The following MOB3B variants were observed in gnomAD, a reference collection of about 807,000 sequenced individuals.
MOB3B encodes MOB kinase activator 3B.
MOB3B carries 7 observed loss-of-function variants against 18.7 expected under a neutral mutation model. The observed-to-expected ratio is 0.37, with a 90% CI of 0.21 to 0.70. The LOEUF (loss-of-function observed/expected upper bound fraction) is 0.70, where lower values mean the gene tolerates loss of function less well. MOB3B is among the 30% of genes least tolerant of loss of function. The pLI, the probability that MOB3B is intolerant of heterozygous loss-of-function variation, is 0.52. For synonymous variants in MOB3B, 111 were observed against 99.9 expected, an observed-to-expected ratio of 1.11 and a Z score of -0.66; for missense variants, 253 against 281.3, an observed-to-expected ratio of 0.90 and a Z score of 0.72.
At chr9:27,477,684 C>CAA (rs1183184101) in intron 1 of MOB3B, among the ~76,000 whole-genome samples, 1 of 152,220 alleles carries the variant, frequency 6.6e-6, no homozygotes, top group Non-Finnish European at 1.5e-5. Flanking sequence ...GCAGCCATCA[C>CAA]AAGAATGTAC....
At chr9:27,501,732 A>C (rs1819994875) in intron 1 of MOB3B, among the ~76,000 whole-genome samples, 1 of 149,032 alleles carries the variant, frequency 6.7e-6, no homozygotes, top group Non-Finnish European at 1.5e-5. Flanking sequence ...GCCCCACTGC[A>C]CCGTAGTCTG....
chr9:27,396,676 A>G (rs570579023), intron 2 of MOB3B, among the ~76,000 whole-genome samples: 1 of 152,308 alleles, frequency 6.6e-6, no homozygotes, highest in African/African-American at 2.4e-5. Flanking sequence ...AATTTATTCC[A>G]GTCTGTGAAT....
At chr9:27,502,701 AAGGGTCAG>A (rs1298634291) in intron 1 of MOB3B, among the ~76,000 whole-genome samples, 1 of 152,174 alleles carries the variant, frequency 6.6e-6, no homozygotes, top group African/African-American at 2.4e-5. Context: ...GCCACTACTG[AAGGGTCAG>A]ACTTGGTCCT....
chr9:27,495,451 T>A (rs1195806541), intron 1 of MOB3B, among the ~76,000 whole-genome samples: 6 of 152,198 alleles, frequency 3.9e-5, no homozygotes, highest in Admixed American at 3.9e-4. Flanking sequence ...CCTGCATGCC[T>A]GAGGGACATT....
At chr9:27,522,747 C>T (rs888496767) in intron 1 of MOB3B, among the ~76,000 whole-genome samples, 12 of 152,128 alleles carry the variant, frequency 7.9e-5, no homozygotes, top group African/African-American at 2.4e-4. Context: ...ATATTATGTA[C>T]ATTTTTAAGG....
At position 27,325,834 on chromosome 9, in the gene MOB3B, T is replaced by C. The variant is rs1333027227; in HGVS notation, c.*4753A>G. On this transcript the variant is annotated 3_prime_UTR_variant, in exon 4 of 4. Transcript: ENST00000262244. ...CTCCCAGTGTGGTACTCATGGAGTA[T>C]GGAAGGGACATAAGGTTTAGAGAAC... The C allele has an allele frequency of 6.6e-6, 1 of 152,210 alleles. No individual in the cohort carries two copies. Among genetic ancestry groups the C allele is most frequent in the Admixed American group, 6.5e-5 (1 of 15,280 alleles). The allele number at this position is 152,210 out of a possible 1,614,324, so 9.4% of individuals were successfully genotyped here.
At chr9:27,507,446 T>C (rs759055588) in intron 1 of MOB3B, among the ~76,000 whole-genome samples, 7 of 152,204 alleles carry the variant, frequency 4.6e-5, no homozygotes, top group Non-Finnish European at 8.8e-5. Flanking sequence ...ACCATGGTGC[T>C]TACAATGCGC....
intron 1 of MOB3B, among the ~76,000 whole-genome samples, chr9:27,506,874 G>A (rs1475995010): frequency 2.7e-5 from 4 of 149,014 alleles, no homozygotes; most frequent in Admixed American, 2.0e-4. Flanking sequence ...TAGAGACGGG[G>A]TTTCACCATC....
chr9:27,444,657 A>G (rs893042120), intron 2 of MOB3B, among the ~76,000 whole-genome samples: 1 of 152,218 alleles, frequency 6.6e-6, no homozygotes, highest in Non-Finnish European at 1.5e-5. Context: ...ATGCAGCTTA[A>G]AAAACTCTGT....
chr9:27,388,638 A>C (rs1563856475), intron 2 of MOB3B, among the ~76,000 whole-genome samples: 1 of 152,036 alleles, frequency 6.6e-6, no homozygotes, highest in East Asian at 1.9e-4. Context: ...CAAGTCCCCA[A>C]AGTCCAATGT....
At chr9:27,378,767 T>G (rs913369100) in intron 2 of MOB3B, 6 of 443,234 alleles carry the variant, frequency 1.4e-5, no homozygotes, top group African/African-American at 1.2e-4. Flanking sequence ...ATGAAGGTCT[T>G]ATCACACAGG....
chr9:27,397,800 T>C (rs1001833346), intron 2 of MOB3B, among the ~76,000 whole-genome samples: 1 of 152,224 alleles, frequency 6.6e-6, no homozygotes, highest in African/African-American at 2.4e-5. Context: ...GCAAGTACTC[T>C]TTAGATCAGG....
intron 3 of MOB3B, among the ~76,000 whole-genome samples, chr9:27,342,833 C>G (rs540583026): frequency 7.3e-5 from 11 of 151,518 alleles, no homozygotes; most frequent in African/African-American, 2.4e-4. Flanking sequence ...CACCTCCCAG[C>G]CGCCTGCCTT....
At chr9:27,466,500 C>T (rs1043486884) in intron 1 of MOB3B, among the ~76,000 whole-genome samples, 3 of 152,162 alleles carry the variant, frequency 2.0e-5, no homozygotes, top group African/African-American at 7.2e-5. Context: ...TCCACATTTT[C>T]GGGTATCTTT....
chr9:27,358,382 G>C (rs566139757), intron 3 of MOB3B, among the ~76,000 whole-genome samples: 2 of 152,228 alleles, frequency 1.3e-5, no homozygotes, highest in Non-Finnish European at 2.9e-5. Flanking sequence ...CCACTGGAAA[G>C]AGAGCTTTTG....
At chr9:27,438,995 A>C (rs911586242) in intron 2 of MOB3B, among the ~76,000 whole-genome samples, 4 of 152,194 alleles carry the variant, frequency 2.6e-5, no homozygotes, top group Non-Finnish European at 1.5e-5. Flanking sequence ...TGATATGTGT[A>C]GCTTCTACTA....
At chr9:27,346,062 A>G (rs1821027371) in intron 3 of MOB3B, among the ~76,000 whole-genome samples, 1 of 152,192 alleles carries the variant, frequency 6.6e-6, no homozygotes, top group African/African-American at 2.4e-5. Flanking sequence ...GGAAGTGACT[A>G]AGTGATGAGG....
intron 2 of MOB3B, among the ~76,000 whole-genome samples, chr9:27,394,881 T>C (rs1821777898): frequency 6.6e-6 from 1 of 152,258 alleles, no homozygotes; most frequent in South Asian, 2.1e-4. Flanking sequence ...GCCCACTGTA[T>C]ATTTCATGTA....
chr9:27,366,406 T>C (rs1470059494), intron 2 of MOB3B, among the ~76,000 whole-genome samples: 2 of 152,216 alleles, frequency 1.3e-5, no homozygotes. Flanking sequence ...TTTCTTCCTC[T>C]TTCCCTCCTG....
Sources: gnomAD v4.1 joint callset for allele counts (sites outside exome capture counted in the v4.1 genomes callset) on GRCh38, gnomAD v4.1.1 for gene constraint, MANE v1.5 for transcripts, NCBI Gene and HGNC (gene_info 2026-07-23, HGNC 2026-07-21) for gene names.